BAZ2B: variants seen among roughly 807,000 people sequenced by gnomAD.
BAZ2B encodes the protein bromodomain adjacent to zinc finger domain protein 2B.
BAZ2B carries 91 observed loss-of-function variants against 246.0 expected under a neutral mutation model. The ratio of observed to expected loss-of-function variants is 0.37; its 90% CI spans 0.31 to 0.44. BAZ2B has a LOEUF of 0.44. Among genes scored for constraint, BAZ2B ranks in the 20% least tolerant of loss-of-function variants. The pLI is 1.00. For synonymous variants in BAZ2B, 855 were observed against 860.0 expected, an observed-to-expected ratio of 0.99 and a Z score of 0.10; for missense variants, 2,332 against 2,533.7, an observed-to-expected ratio of 0.92 and a Z score of 1.71.
the BAZ2B span, among the ~76,000 whole-genome samples, chr2:159,645,755 G>C: frequency 1.3e-5 from 2 of 152,084 alleles, no homozygotes; most frequent in African/African-American, 2.4e-5. Context: ...TGGGTGTCCG[G>C]GGGAGACATC....
At chr2:159,362,120 CA>C (rs1275110788) in intron 27 of BAZ2B, among the ~76,000 whole-genome samples, 1 of 151,258 alleles carries the variant, frequency 6.6e-6, no homozygotes, top group East Asian at 1.9e-4. Flanking sequence ...CAAAAGAAAA[CA>C]AAACAAAAAA....
At chr2:159,452,513 A>G (rs1210041172) in intron 4 of BAZ2B, among the ~76,000 whole-genome samples, 1 of 152,236 alleles carries the variant, frequency 6.6e-6, no homozygotes, top group Non-Finnish European at 1.5e-5. Context: ...TAACAAAGCC[A>G]GATTTAAATT....
the BAZ2B span, among the ~76,000 whole-genome samples, chr2:159,652,632 C>T: frequency 1.3e-3 from 205 of 152,048 alleles, no homozygotes; most frequent in Middle Eastern, 6.8e-3. Context: ...TTTTTTGAGA[C>T]AGTATCTTGC....
At chr2:159,372,374 T>C (rs934341463) in intron 27 of BAZ2B, among the ~76,000 whole-genome samples, 2 of 152,240 alleles carry the variant, frequency 1.3e-5, no homozygotes, top group Non-Finnish European at 2.9e-5. Flanking sequence ...AACATAACAC[T>C]TTTGTCCCCA....
chr2:159,653,793 T>C, the BAZ2B span, among the ~76,000 whole-genome samples: 31,486 of 151,888 alleles, frequency 0.21, 3,505 homozygotes, highest in Middle Eastern at 0.27. Context: ...AGATTTAACA[T>C]GAAACAATGG....
rs2062539038 is a variant in BAZ2B, at chr2:159,320,180, T to G, written c.*85A>C. On this transcript the variant is annotated 3_prime_UTR_variant, in exon 37 of 37. Transcript: ENST00000392783. ...AAAAGAAAGTCATTATGTATGTGCC[T>G]TGCACGTTTATGTAAATACAGTTCA... 1.6e-6 allele frequency: 2 copies of G among 1,213,034 alleles called. No homozygotes were observed. The highest frequency in any genetic ancestry group is 1.6e-5 in the African/African-American group (1 of 62,630). The allele number at this position is 1,213,034 out of a possible 1,614,324, so 75.1% of individuals were successfully genotyped here. A position where few individuals can be genotyped will look rare whatever the true frequency, so the allele number is the denominator to read the frequency against.
At chr2:159,597,239 ATTGT>A (rs1690936286) in intron 1 of BAZ2B, among the ~76,000 whole-genome samples, 1 of 151,954 alleles carries the variant, frequency 6.6e-6, no homozygotes, top group African/African-American at 2.4e-5. Flanking sequence ...TTTTGATGGG[ATTGT>A]TTTTTTCTTG....
chr2:159,487,919 T>C (rs1212580757), intron 2 of BAZ2B, among the ~76,000 whole-genome samples: 1 of 151,946 alleles, frequency 6.6e-6, no homozygotes, highest in Non-Finnish European at 1.5e-5. Context: ...TTTGAAAGAA[T>C]AATCAAGAAA....
chr2:159,564,623 T>C (rs377542865), intron 1 of BAZ2B, among the ~76,000 whole-genome samples: 1 of 152,136 alleles, frequency 6.6e-6, no homozygotes, highest in South Asian at 2.1e-4. Context: ...TAATTAAGGA[T>C]GATTCCAAGG....
At chr2:159,638,661 A>C in the BAZ2B span, among the ~76,000 whole-genome samples, 35 of 152,298 alleles carry the variant, frequency 2.3e-4, no homozygotes, top group African/African-American at 8.2e-4. Flanking sequence ...CAGAAAAAAA[A>C]CAGTGAGCTT....
Position 159,591,040 on chromosome 2 carries a change from C to T in BAZ2B, c.-46+25202G>A, listed in dbSNP as rs563186787. On this transcript the variant is annotated intron_variant, in intron 1 of 36. Transcript: ENST00000392783. ...ATCTACATCTCTGTTTCTAGGTTCA[C>T]TTAAGTAGTATCTGTGAAAACATTT... 5.3e-5 allele frequency among the ~76,000 whole-genome samples: 8 copies of T among 152,194 alleles called. No homozygotes were observed. In the South Asian group the frequency reaches 1.7e-3, roughly 32 times the overall value.
At chr2:159,469,835 G>C (rs538250427) in intron 3 of BAZ2B, among the ~76,000 whole-genome samples, 1 of 152,106 alleles carries the variant, frequency 6.6e-6, no homozygotes, top group Non-Finnish European at 1.5e-5. Context: ...TCCAGGCCCA[G>C]ATGTTTCACC....
chr2:159,418,311 T>C (rs1290264670), intron 13 of BAZ2B, among the ~76,000 whole-genome samples: 2 of 152,220 alleles, frequency 1.3e-5, no homozygotes, highest in African/African-American at 4.8e-5. Flanking sequence ...AATATGATCT[T>C]CCTATTTCAA....
At chr2:159,487,708 CAA>C (rs1286217248) in intron 2 of BAZ2B, among the ~76,000 whole-genome samples, 1 of 150,952 alleles carries the variant, frequency 6.6e-6, no homozygotes, top group Non-Finnish European at 1.5e-5. Context: ...CAAGTTTCAA[CAA>C]GAGAAGCAAA....
intron 19 of BAZ2B, 106 bp from the exon 20 acceptor site, chr2:159,395,940 G>T: frequency 1.1e-6 from 1 of 947,030 alleles, no homozygotes; most frequent in Non-Finnish European, 1.6e-6. Context: ...AGTATAGCAT[G>T]TTTAGCATTT....
chr2:159,330,822 G>A (rs1370271976), intron 34 of BAZ2B, among the ~76,000 whole-genome samples: 1 of 152,112 alleles, frequency 6.6e-6, no homozygotes, highest in Non-Finnish European at 1.5e-5. Flanking sequence ...TAGTGTCACT[G>A]CATTCCAGCC....
intron 27 of BAZ2B, among the ~76,000 whole-genome samples, chr2:159,353,058 C>A (rs2058725318): frequency 6.6e-6 from 1 of 152,190 alleles, no homozygotes; most frequent in Non-Finnish European, 1.5e-5. Flanking sequence ...TAACAGTATT[C>A]CTTAGAGAAC....
chr2:159,582,465 G>A (rs1039238388), intron 1 of BAZ2B, among the ~76,000 whole-genome samples: 1 of 152,102 alleles, frequency 6.6e-6, no homozygotes, highest in Non-Finnish European at 1.5e-5. Context: ...GTGCGATCAC[G>A]GCTCACTGCA....
intron 2 of BAZ2B, among the ~76,000 whole-genome samples, chr2:159,479,979 T>C (rs1430615451): frequency 6.6e-6 from 1 of 152,154 alleles, no homozygotes; most frequent in African/African-American, 2.4e-5. Flanking sequence ...GCATTCATCA[T>C]GGGAAAGGCA....
Sources: gnomAD v4.1 joint callset for allele counts (sites outside exome capture counted in the v4.1 genomes callset) on GRCh38, gnomAD v4.1.1 for gene constraint, MANE v1.5 for transcripts, NCBI Gene and HGNC (gene_info 2026-07-23, HGNC 2026-07-21) for gene names.